ZDHHC7: variants seen among roughly 807,000 people sequenced by gnomAD.
ZDHHC7 encodes palmitoyltransferase ZDHHC7.
A neutral mutation model predicts 34.1 loss-of-function variants in ZDHHC7; 12 were observed. That is an observed-to-expected ratio of 0.35 (90% CI 0.23 to 0.57). The LOEUF (loss-of-function observed/expected upper bound fraction) is 0.57. Among genes scored for constraint, ZDHHC7 ranks in the 20% least tolerant of loss-of-function variants. ZDHHC7 has a pLI of 0.84. For synonymous variants in ZDHHC7, 185 were observed against 155.4 expected (o/e 1.19, Z -1.42); for missense variants, 388 against 402.7 (o/e 0.96, Z 0.31).
intron 4 of ZDHHC7, among the ~76,000 whole-genome samples, chr16:84,979,651 A>G (rs9935170): frequency 0.64 from 97,160 of 151,914 alleles, 33,259 homozygotes; most frequent in African/African-American, 0.89. Context: ...TTTACCCTCA[A>G]GGAGAAACAT....
At chr16:84,995,138 C>T (rs1303847534) in intron 2 of ZDHHC7, among the ~76,000 whole-genome samples, 1 of 152,146 alleles carries the variant, frequency 6.6e-6, no homozygotes, top group Non-Finnish European at 1.5e-5. Flanking sequence ...CTGAGGGAAC[C>T]GTGAAACACT....
At chr16:84,999,665 G>T (rs987785964) in intron 1 of ZDHHC7, among the ~76,000 whole-genome samples, 1 of 152,154 alleles carries the variant, frequency 6.6e-6, no homozygotes, top group Non-Finnish European at 1.5e-5. Flanking sequence ...AGGCAAACTC[G>T]TTTATTTAGA....
rs1423320012 is a variant in ZDHHC7 at position 84,974,191 on chromosome 16, CATT to C, written c.*2149_*2151del. 3 of 152,078 alleles carry C rather than the reference CATT, an allele frequency of 2.0e-5. No individual in the cohort carries two copies. Among genetic ancestry groups the C allele is most frequent in the Non-Finnish European group, 4.4e-5 (3 of 68,028 alleles). 9.4% of individuals were successfully genotyped at this position (152,078 alleles called of 1,614,324 possible). A position where few individuals can be genotyped will look rare whatever the true frequency, so the allele number is the denominator to read the frequency against. ...ATTCTGAACTGTGGAGATTTTGAAACATTGTTTTTATTTCAACGTGCACTAAAA... is the reference window on the plus strand; with the variant it reads ...ATTCTGAACTGTGGAGATTTTGAAACGTTTTTATTTCAACGTGCACTAAAA... On this transcript the variant is annotated 3_prime_UTR_variant, in exon 8 of 8. Transcript: ENST00000313732.
At chr16:85,020,847 G>T in the ZDHHC7 span, among the ~76,000 whole-genome samples, 2 of 152,282 alleles carry the variant, frequency 1.3e-5, no homozygotes, top group East Asian at 3.9e-4. Context: ...GCTCACATCT[G>T]TAATCCCAGC....
rs370553784 is a variant in ZDHHC7, at chr16:84,998,823, G to A, written c.-103-2816C>T. ...GGCTGGAGTGCAGTGGCGCGATCTC[G>A]GCTCACCGCAACTTCCGCCTCTGGG... On this transcript the variant is annotated intron_variant, in intron 1 of 7. Coordinates refer to ENST00000313732, the MANE Select transcript of ZDHHC7 (RefSeq NM_017740.3). Among the ~76,000 whole-genome samples, 252 of 146,642 alleles carry A rather than the reference G, an allele frequency of 1.7e-3. 1 individual carries two copies. Among genetic ancestry groups the A allele is most frequent in the African/African-American group, 6.1e-3 (238 of 39,240 alleles).
At chr16:85,008,564 A>G (rs917392333) in intron 1 of ZDHHC7, among the ~76,000 whole-genome samples, 1 of 150,864 alleles carries the variant, frequency 6.6e-6, no homozygotes, top group Non-Finnish European at 1.5e-5. Flanking sequence ...TCCTGTGTGG[A>G]CTGGCACTAT....
At chr16:84,987,440 T>C (rs2072451079) in intron 3 of ZDHHC7, among the ~76,000 whole-genome samples, 1 of 148,468 alleles carries the variant, frequency 6.7e-6, no homozygotes, top group Admixed American at 7.0e-5. Flanking sequence ...TTCGATGTTT[T>C]GGGGTTTGTT....
At chr16:85,004,813 G>T (rs556043747) in intron 1 of ZDHHC7, 2 of 152,390 alleles carry the variant, frequency 1.3e-5, no homozygotes, top group African/African-American at 2.4e-5. Context: ...TCTGCCAGGG[G>T]AGTGGGCCAG....
chr16:85,009,944 G>C (rs934736353), intron 1 of ZDHHC7, among the ~76,000 whole-genome samples: 1 of 151,820 alleles, frequency 6.6e-6, no homozygotes, highest in African/African-American at 2.4e-5. Context: ...TCCCGACTTC[G>C]TGATCCGCCC....
Position 84,976,224 on chromosome 16 carries a change from C to A in ZDHHC7, c.*119G>T. ...TATATAAAACTCTGCTTGCTGCAAG[C>A]AATTGGTTTGTGTAGGTTCCAGTTG... On this transcript the variant is annotated 3_prime_UTR_variant, in exon 8 of 8. Transcript: ENST00000313732. 1 of 1,282,540 alleles carries A rather than the reference C, an allele frequency of 7.8e-7. No individual in the cohort carries two copies. Among genetic ancestry groups the A allele is most frequent in the Non-Finnish European group, 1.1e-6 (1 of 916,956 alleles). The allele number at this position is 1,282,540 out of a possible 1,614,324, so 79.4% of individuals were successfully genotyped here. A position where few individuals can be genotyped will look rare whatever the true frequency, so the allele number is the denominator to read the frequency against.
intron 5 of ZDHHC7, 195 bp from the exon 6 acceptor site, chr16:84,978,200 G>A (rs2072323246): frequency 2.1e-6 from 1 of 469,136 alleles, no homozygotes; most frequent in Non-Finnish European, 3.8e-6. Context: ...CCGGCTAACT[G>A]TTTTGCATTT....
chr16:85,017,308 A>C, the ZDHHC7 span, among the ~76,000 whole-genome samples: 2 of 152,196 alleles, frequency 1.3e-5, no homozygotes, highest in African/African-American at 4.8e-5. Context: ...CTTAAACCAC[A>C]ATGAAATAGT....
intron 2 of ZDHHC7, among the ~76,000 whole-genome samples, chr16:84,994,155 T>C (rs1219366838): frequency 6.6e-6 from 1 of 152,228 alleles, no homozygotes; most frequent in Non-Finnish European, 1.5e-5. Flanking sequence ...TGTCAGCCCC[T>C]CCAGGGGGGT....
chr16:84,979,323 C>G (rs1368667683), intron 4 of ZDHHC7, 38 bp from the exon 5 acceptor site: 15 of 1,595,056 alleles, frequency 9.4e-6, no homozygotes, highest in Non-Finnish European at 1.3e-5. Context: ...ATTCCATGCT[C>G]TGAGGAAACC....
chr16:84,993,252 T>A (rs1035014840), intron 2 of ZDHHC7, among the ~76,000 whole-genome samples: 10 of 151,748 alleles, frequency 6.6e-5, no homozygotes, highest in African/African-American at 2.4e-4. Flanking sequence ...GCCTGGGAGG[T>A]GGAGGCTGCA....
At position 85,001,015 on chromosome 16, in the gene ZDHHC7, G is replaced by A. The variant is rs192663953; in HGVS notation, c.-103-5008C>T. Among the ~76,000 whole-genome samples, 256 of 152,302 alleles carry A rather than the reference G, an allele frequency of 1.7e-3. 1 individual carries two copies. Among genetic ancestry groups the A allele is most frequent in the African/African-American group, 5.9e-3 (245 of 41,544 alleles). On this transcript the variant is annotated intron_variant, in intron 1 of 7. Transcript: ENST00000313732. ...CAAGAGAGGACAATCATGTGACACA[G>A]CACAGAAGGGAATTCAGCATTCCAG...
intron 1 of ZDHHC7, among the ~76,000 whole-genome samples, chr16:85,000,916 G>A (rs2072644202): frequency 6.6e-6 from 1 of 152,192 alleles, no homozygotes; most frequent in South Asian, 2.1e-4. Context: ...AGCTACTTCT[G>A]GAAGAACCAG....
intron 3 of ZDHHC7, chr16:84,988,748 C>CT: frequency 6.4e-7 from 1 of 1,550,556 alleles, no homozygotes; most frequent in Non-Finnish European, 8.7e-7. Flanking sequence ...CCCCATGTGC[C>CT]TACCCCACAC....
At chr16:85,025,918 TTTG>T in the ZDHHC7 span, among the ~76,000 whole-genome samples, 2 of 152,224 alleles carry the variant, frequency 1.3e-5, no homozygotes, top group Non-Finnish European at 2.9e-5. Flanking sequence ...CAAATATTTT[TTTG>T]TTAAGTCATC....
Sources: gnomAD v4.1 joint callset for allele counts (sites outside exome capture counted in the v4.1 genomes callset) on GRCh38, gnomAD v4.1.1 for gene constraint, MANE v1.5 for transcripts, NCBI Gene and HGNC (gene_info 2026-07-23, HGNC 2026-07-21) for gene names.